TRANK1: variants seen among roughly 807,000 people sequenced by gnomAD.
TRANK1 encodes TPR and ankyrin repeat-containing protein 1.
In TRANK1, 198 loss-of-function variants were observed where a neutral mutation model predicts 266.0. That is an observed-to-expected ratio of 0.74 (90% CI 0.66 to 0.84). TRANK1 has a LOEUF of 0.84. Ranked by LOEUF, TRANK1 falls within the 40% of genes least tolerant of loss-of-function variation. The probability of loss-of-function intolerance (pLI) is 0.00; values close to 1 mark genes in which losing one functional copy is unlikely to be tolerated. For synonymous variants in TRANK1, 1,396 were observed against 1,384.1 expected (o/e 1.01, Z -0.19); for missense variants, 3,326 against 3,634.6 (o/e 0.92, Z 2.18).
intron 1 of TRANK1, among the ~76,000 whole-genome samples, chr3:36,940,576 A>G (rs2080483980): frequency 6.6e-6 from 1 of 151,806 alleles, no homozygotes; most frequent in Non-Finnish European, 1.5e-5. Context: ...TCTGCCTGCT[A>G]GAAGTGCTCT....
At chr3:36,944,653 C>T in intron 1 of TRANK1, 134 bp downstream of exon 1, 1 of 1,094,178 alleles carries the variant, frequency 9.1e-7, no homozygotes, top group Non-Finnish European at 1.3e-6. Context: ...GTGGGCCCCA[C>T]AGGGATGGCC....
At chr3:36,846,770 G>C (rs1464067825) in intron 16 of TRANK1, among the ~76,000 whole-genome samples, 2 of 152,200 alleles carry the variant, frequency 1.3e-5, no homozygotes, top group African/African-American at 4.8e-5. Flanking sequence ...CACTGGAAGA[G>C]TACAGACAGA....
chr3:36,886,603 G>C (rs1251314611), intron 8 of TRANK1, among the ~76,000 whole-genome samples: 1 of 152,014 alleles, frequency 6.6e-6, no homozygotes, highest in Non-Finnish European at 1.5e-5. Flanking sequence ...TTCAAAGACA[G>C]TACAAAACAA....
intron 1 of TRANK1, among the ~76,000 whole-genome samples, chr3:36,924,754 G>A (rs548332556): frequency 8.7e-4 from 132 of 152,180 alleles, no homozygotes; most frequent in Non-Finnish European, 1.3e-4. Context: ...GCCACTAAAA[G>A]GCAAAGCACC....
At chr3:36,876,192 T>C (rs1325578270) in intron 8 of TRANK1, among the ~76,000 whole-genome samples, 2 of 152,248 alleles carry the variant, frequency 1.3e-5, no homozygotes, top group Non-Finnish European at 2.9e-5. Flanking sequence ...CTCTCAGCCT[T>C]ACCAGATTTG....
At chr3:36,884,234 T>A (rs2079570224) in intron 8 of TRANK1, among the ~76,000 whole-genome samples, 2 of 152,226 alleles carry the variant, frequency 1.3e-5, no homozygotes, top group Admixed American at 1.3e-4. Flanking sequence ...CATACATGTA[T>A]GTCCTAGCTC....
chr3:36,905,947 G>C (rs984015785), intron 2 of TRANK1, among the ~76,000 whole-genome samples: 8 of 152,198 alleles, frequency 5.3e-5, no homozygotes, highest in African/African-American at 1.7e-4. Flanking sequence ...ACAGTGTCAG[G>C]AAGGTCCCAC....
At chr3:36,936,465 G>A (rs1401879866) in intron 1 of TRANK1, among the ~76,000 whole-genome samples, 1 of 151,048 alleles carries the variant, frequency 6.6e-6, no homozygotes, top group Non-Finnish European at 1.5e-5. Flanking sequence ...CAGCCTGGGT[G>A]ACAGAGTGAG....
chr3:36,889,801 G>A (rs770717339), intron 8 of TRANK1, 28 bp downstream of exon 8: 11 of 1,513,684 alleles, frequency 7.3e-6, no homozygotes, highest in Admixed American at 4.2e-5. Context: ...CAGCCACAGC[G>A]CACCCTCTGG....
chr3:36,887,038 C>G (rs1559454059), intron 8 of TRANK1, among the ~76,000 whole-genome samples: 1 of 151,708 alleles, frequency 6.6e-6, no homozygotes, highest in East Asian at 1.9e-4. Flanking sequence ...TCCCGAGTAG[C>G]TGGGACTACA....
intron 1 of TRANK1, among the ~76,000 whole-genome samples, chr3:36,924,658 T>C (rs1346693687): frequency 6.6e-6 from 1 of 152,170 alleles, no homozygotes; most frequent in Non-Finnish European, 1.5e-5. Flanking sequence ...CAGGCTCAAC[T>C]GTTGGCTGCT....
chr3:36,917,579 G>A (rs893762994), intron 1 of TRANK1, among the ~76,000 whole-genome samples: 1 of 152,094 alleles, frequency 6.6e-6, no homozygotes, highest in Non-Finnish European at 1.5e-5. Flanking sequence ...TTTAAGGGAG[G>A]GCAGGAGATG....
chr3:36,901,104 T>G (rs931747101), intron 3 of TRANK1, among the ~76,000 whole-genome samples: 20 of 77,010 alleles, frequency 2.6e-4, no homozygotes, highest in Non-Finnish European at 3.8e-4. Flanking sequence ...CAAGGTTGTT[T>G]TTTTTTTTTT....
At chr3:36,875,588 G>A (rs547437243) in intron 8 of TRANK1, among the ~76,000 whole-genome samples, 1 of 152,282 alleles carries the variant, frequency 6.6e-6, no homozygotes, top group South Asian at 2.1e-4. Context: ...TATAATAAAT[G>A]GGTGTTGTTT....
rs1192115423 is a variant in TRANK1, at chr3:36,838,390, C to T, written c.5499G>A (p.Leu1833=). ...YAKEFQLSAQ[L]CERLGKIRDA... ...GCCATACCTTTCCCAGCCTCTCGCACAGCTGGGCAGAGAGCTGGAACTCCT... is the reference window on the plus strand; with the variant it reads ...GCCATACCTTTCCCAGCCTCTCGCATAGCTGGGCAGAGAGCTGGAACTCCT... Residue 1833 remains leucine, a synonymous_variant, in exon 20 of 24, where the codon CTG becomes CTA. Transcript: ENST00000645898. 1 of 1,614,046 alleles carries T rather than the reference C, an allele frequency of 6.2e-7. No homozygotes were observed. Among genetic ancestry groups the T allele is most frequent in the Non-Finnish European group, 8.5e-7 (1 of 1,179,888 alleles).
intron 1 of TRANK1, among the ~76,000 whole-genome samples, chr3:36,925,285 A>G (rs948761622): frequency 2.0e-5 from 3 of 152,188 alleles, no homozygotes; most frequent in Admixed American, 1.3e-4. Flanking sequence ...GCACATTTTA[A>G]ACTAATGGGC....
Position 36,857,489 on chromosome 3 carries a change from C to T in TRANK1, c.2233G>A (p.Val745Met), listed in dbSNP as rs774951089. 1.9e-6 allele frequency: 3 copies of T among 1,613,984 alleles called. No individual in the cohort carries two copies. In the Admixed American group the frequency reaches 5.0e-5, roughly 27 times the overall value. ...DITVLIQQVE[V>M]DPSFPEDCLQ... Reference sequence around the variant, plus strand: ...CAGTCCTCTGGGAAAGACGGATCCACTTCAACCTGCTGAATCAAAACTGTG... The same window carrying T: ...CAGTCCTCTGGGAAAGACGGATCCATTTCAACCTGCTGAATCAAAACTGTG... The change falls in exon 13 of 24, where the codon GTG (valine) becomes ATG (methionine). Residue 745 changes from valine to methionine, a missense_variant. Coordinates refer to ENST00000645898, the MANE Select transcript of TRANK1 (RefSeq NM_001329998.2). This position sits in a 1 kb window ranked among gnomAD's most constrained non-coding sequence, Gnocchi z 4.3.
intron 8 of TRANK1, among the ~76,000 whole-genome samples, chr3:36,879,856 A>ATGTAAACATG (rs1559449060): frequency 1.9e-5 from 2 of 106,322 alleles, no homozygotes; most frequent in Non-Finnish European, 3.6e-5. Flanking sequence ...ATGTAAATAT[A>ATGTAAACATG]CAAATATATG....
intron 11 of TRANK1, among the ~76,000 whole-genome samples, 173 bp from the exon 12 acceptor site, chr3:36,859,067 C>A (rs1434895321): frequency 6.6e-6 from 1 of 152,204 alleles, no homozygotes; most frequent in Admixed American, 6.5e-5. Flanking sequence ...CCAGTAGCCA[C>A]AAAGTGAAAG....
Sources: allele counts gnomAD v4.1 joint callset (sites outside exome capture counted in the v4.1 genomes callset), GRCh38; gene constraint gnomAD v4.1.1; non-coding constraint Gnocchi (gnomAD v3.1); transcripts MANE v1.5; gene names NCBI Gene and HGNC (gene_info 2026-07-23, HGNC 2026-07-21).